The following EPB41L3 variants were observed in gnomAD, a reference collection of about 807,000 sequenced individuals.
EPB41L3 encodes band 4.1-like protein 3.
A neutral mutation model predicts 127.1 loss-of-function variants in EPB41L3; 57 were observed. That is an observed-to-expected ratio of 0.45 (90% CI 0.36 to 0.56). The LOEUF (loss-of-function observed/expected upper bound fraction) is 0.56, where lower values mean the gene tolerates loss of function less well. EPB41L3 is among the 20% of genes least tolerant of loss of function. The pLI is 0.00. For synonymous variants in EPB41L3, 572 were observed against 549.5 expected, an observed-to-expected ratio of 1.04 and a Z score of -0.57; for missense variants, 1,273 against 1,372.2, an observed-to-expected ratio of 0.93 and a Z score of 1.14.
chr18:5,413,273 G>A (rs1212202767), intron 13 of EPB41L3, among the ~76,000 whole-genome samples: 1 of 152,060 alleles, frequency 6.6e-6, no homozygotes, highest in African/African-American at 2.4e-5. Flanking sequence ...GGTTTGGGGA[G>A]GTAAGTTCAT....
At chr18:5,629,698 G>C (rs117466055), upstream of EPB41L3, among the ~76,000 whole-genome samples, 5,083 of 152,192 alleles carry the variant, frequency 0.033, 99 homozygotes, top group African/African-American at 0.061. Flanking sequence ...GACGGATTCG[G>C]AGGGAGCACT....
chr18:5,421,830 G>C (rs182736275), intron 11 of EPB41L3, among the ~76,000 whole-genome samples: 1 of 152,080 alleles, frequency 6.6e-6, no homozygotes, highest in Non-Finnish European at 1.5e-5. Flanking sequence ...AGACAGTGGC[G>C]GGGGTGGTGG....
intron 12 of EPB41L3, among the ~76,000 whole-genome samples, chr18:5,416,957 T>A (rs1226088758): frequency 6.6e-6 from 1 of 152,174 alleles, no homozygotes. Flanking sequence ...GCCCCACTCC[T>A]ATCTGATAAG....
chr18:5,476,880 G>A (rs1263861826), intron 3 of EPB41L3, among the ~76,000 whole-genome samples: 2 of 152,182 alleles, frequency 1.3e-5, no homozygotes, highest in Non-Finnish European at 2.9e-5. Flanking sequence ...AAAAAGGCAA[G>A]AAATAGTTTT....
At chr18:5,588,810 G>T (rs1156856752) in intron 3 of EPB41L3, among the ~76,000 whole-genome samples, 1 of 151,926 alleles carries the variant, frequency 6.6e-6, no homozygotes, top group East Asian at 1.9e-4. Context: ...ATGATGAGTT[G>T]AAAAAAGCAA....
At chr18:5,437,122 G>A (rs2079963385) in intron 6 of EPB41L3, among the ~76,000 whole-genome samples, 1 of 152,160 alleles carries the variant, frequency 6.6e-6, no homozygotes, top group Admixed American at 6.5e-5. Context: ...ACAATGAACT[G>A]AGTGTCTGTG....
intron 3 of EPB41L3, among the ~76,000 whole-genome samples, chr18:5,578,837 T>G (rs966489391): frequency 2.6e-5 from 4 of 152,194 alleles, no homozygotes; most frequent in African/African-American, 9.7e-5. Context: ...GGCAACCACT[T>G]TGGAAAACAA....
At chr18:5,625,330 G>C (rs2094910903) in intron 1 of EPB41L3, among the ~76,000 whole-genome samples, 1 of 151,932 alleles carries the variant, frequency 6.6e-6, no homozygotes, top group African/African-American at 2.4e-5. Context: ...GGATCTGATA[G>C]AAAGGAAGTG....
chr18:5,419,109 G>A (rs1392038155), intron 12 of EPB41L3, among the ~76,000 whole-genome samples: 7 of 152,144 alleles, frequency 4.6e-5, no homozygotes, highest in African/African-American at 1.7e-4. Context: ...TTAATTTGGG[G>A]TGAAACAATG....
intron 2 of EPB41L3, among the ~76,000 whole-genome samples, chr18:5,487,681 C>G (rs1304024291): frequency 6.6e-6 from 1 of 151,406 alleles, no homozygotes; most frequent in Non-Finnish European, 1.5e-5. Flanking sequence ...GCCCGGCTGT[C>G]TCAAACTCCT....
intron 13 of EPB41L3, among the ~76,000 whole-genome samples, chr18:5,413,999 A>G (rs925397364): frequency 8.7e-4 from 132 of 152,322 alleles, no homozygotes; most frequent in African/African-American, 3.1e-3. Flanking sequence ...TAGGCACAAG[A>G]TCTGTGTGGT....
intron 1 of EPB41L3, among the ~76,000 whole-genome samples, chr18:5,512,171 T>C (rs1239692750): frequency 6.6e-6 from 1 of 152,124 alleles, no homozygotes; most frequent in Non-Finnish European, 1.5e-5. Context: ...AAGACATGGA[T>C]ATAAATTCCC....
intron 2 of EPB41L3, among the ~76,000 whole-genome samples, chr18:5,487,129 G>T (rs1326640882): frequency 6.6e-6 from 1 of 152,108 alleles, no homozygotes; most frequent in Admixed American, 6.6e-5. Flanking sequence ...TACACCCAAT[G>T]AAATATTATT....
chr18:5,445,144 T>A lies in EPB41L3; in HGVS notation c.482A>T (p.Gln161Leu), dbSNP rs1050518242. The change falls in exon 4 of 23, where the codon CAG becomes CTG. Residue 161 changes from glutamine to leucine, a missense_variant. Physicochemically the swap from Gln to Leu is moderately radical, Grantham distance 113. This residue lies in a region of EPB41L3 where 326 missense variants were observed against 440.2 expected (regional missense o/e 0.74). Coordinates refer to ENST00000341928, the MANE Select transcript of EPB41L3 (RefSeq NM_012307.5). The stretch of plus-strand genomic sequence containing the variant: ...GCATTGCTTTTGATCACTCACCTTC[T>A]GGTTTTCAGCATCTCGATACGTAAG... ...FGLTYRDAEN[Q>L]KNWLDPAKEI... is the part of the protein sequence containing the mutation. 1 of 1,613,486 alleles carries A rather than the reference T, an allele frequency of 6.2e-7. No homozygotes were observed.
intron 3 of EPB41L3, among the ~76,000 whole-genome samples, chr18:5,465,017 G>A (rs947403934): frequency 3.3e-5 from 5 of 152,190 alleles, no homozygotes; most frequent in African/African-American, 1.2e-4. Context: ...CACAAGTGGC[G>A]TGTGTGTAAT....
chr18:5,544,026 G>T (rs983473072), upstream of EPB41L3: 51 of 985,478 alleles, frequency 5.2e-5, no homozygotes, highest in Non-Finnish European at 1.1e-5. Context: ...GCAGCCCAGG[G>T]CTGCTCGCCG....
chr18:5,427,663 G>C (rs1376149478), intron 9 of EPB41L3, among the ~76,000 whole-genome samples: 1 of 152,150 alleles, frequency 6.6e-6, no homozygotes, highest in Non-Finnish European at 1.5e-5. Context: ...CAAACAGAAA[G>C]AGCATGGAGA....
chr18:5,575,563 G>A (rs1203227185), intron 3 of EPB41L3, among the ~76,000 whole-genome samples: 1 of 152,142 alleles, frequency 6.6e-6, no homozygotes, highest in Non-Finnish European at 1.5e-5. Context: ...TTGGCCCGGT[G>A]CTGTGGCTCA....
chr18:5,445,241 G>T lies in EPB41L3; in HGVS notation c.385C>A (p.Arg129Ser), dbSNP rs372730881. The stretch of plus-strand genomic sequence containing the variant: ...TCAAACAGCACTTGTCCTCTGGAGC[G>T]TTTCTACAGAAAACAGAATAGCAAA... Reference protein sequence around the residue: ...GSEYTCDVEKRSRGQVLFDKV... With the variant: ...GSEYTCDVEKSSRGQVLFDKV... Residue 129 changes from arginine to serine, a missense_variant, in exon 4 of 23, where the codon CGC (arginine) becomes AGC (serine). By Grantham distance (110) the Arg-to-Ser change is moderately radical (BLOSUM62 -1). Around this residue, in one of 3 missense-constraint regions of EPB41L3, gnomAD observed 326 missense variants for 440.2 expected, o/e 0.74. Transcript: ENST00000341928. The T allele has an allele frequency of 2.2e-5, 36 of 1,612,342 alleles. No homozygotes were observed. Among genetic ancestry groups the T allele is most frequent in the Non-Finnish European group, 2.9e-5 (34 of 1,178,926 alleles).
Sources: allele counts gnomAD v4.1 joint callset (sites outside exome capture counted in the v4.1 genomes callset), GRCh38; gene constraint gnomAD v4.1.1; regional missense constraint gnomAD v4.1.1; transcripts MANE v1.5; gene names NCBI Gene and HGNC (gene_info 2026-07-23, HGNC 2026-07-21).